Variants in STK24 observed in about 807,000 individuals in gnomAD.
STK24 encodes the protein serine/threonine kinase 24.
In STK24, 21 loss-of-function variants were observed where a neutral mutation model predicts 55.6. The ratio of observed to expected loss-of-function variants is 0.38; its 90% CI spans 0.27 to 0.54. The LOEUF (loss-of-function observed/expected upper bound fraction) is 0.54, where lower values mean the gene tolerates loss of function less well. STK24 is among the 20% of genes least tolerant of loss of function. The pLI is 0.79. For missense variants in STK24, 383 were observed against 538.4 expected, an observed-to-expected ratio of 0.71 and a Z score of 2.86; for synonymous variants, 200 against 215.2, an observed-to-expected ratio of 0.93 and a Z score of 0.62.
In STK24 at chr13:98,552,370, G is replaced by A. The variant is rs539925756; in HGVS notation, c.42+24375C>T. On this transcript the variant is annotated intron_variant, in intron 1 of 10. Transcript: ENST00000539966. ...TGGGAGAAGGTGTGGTCAGCAAGGT[G>A]GGGACAGGCCAGCTGGGGACACAAG... 6.6e-4 allele frequency among the ~76,000 whole-genome samples: 101 copies of A among 152,198 alleles called. No individual in the cohort carries two copies. In the South Asian group the frequency reaches 0.011, roughly 17 times the overall value.
At chr13:98,546,933 T>C (rs535805060) in intron 1 of STK24, among the ~76,000 whole-genome samples, 4 of 152,166 alleles carry the variant, frequency 2.6e-5, no homozygotes, top group East Asian at 3.9e-4. Flanking sequence ...GTTTTTGAGA[T>C]GGAGTTTCAC....
chr13:98,502,812 T>C (rs1895526407), intron 2 of STK24, among the ~76,000 whole-genome samples: 1 of 152,148 alleles, frequency 6.6e-6, no homozygotes, highest in Non-Finnish European at 1.5e-5. Context: ...CTTTCTGTTA[T>C]AACAACAGAA....
In STK24 at chr13:98,453,982, G is replaced by A. The variant is rs549038723; in HGVS notation, c.1260-773C>T. On this transcript the variant is annotated intron_variant, in intron 10 of 10. Transcript: ENST00000539966. ...AATCCGAAATCTGACATGCCCCAGAGAGCAGTTCCTTTGAGCCCCATGCTG... is the reference window on the plus strand; with the variant it reads ...AATCCGAAATCTGACATGCCCCAGAAAGCAGTTCCTTTGAGCCCCATGCTG... 4 of 152,296 alleles carry A rather than the reference G, an allele frequency of 2.6e-5. No homozygotes were observed. The South Asian group carries it at 6.2e-4, about 24-fold the overall frequency. 9.4% of individuals were successfully genotyped at this position (152,296 alleles called of 1,614,324 possible).
intron 3 of STK24, among the ~76,000 whole-genome samples, chr13:98,476,042 ATAAC>A (rs1340118532): frequency 2.0e-5 from 3 of 151,746 alleles, no homozygotes; most frequent in South Asian, 2.1e-4. Flanking sequence ...TATAATAATA[ATAAC>A]TATTATATTA....
intron 2 of STK24, among the ~76,000 whole-genome samples, chr13:98,488,378 G>A (rs976492138): frequency 2.6e-5 from 4 of 152,198 alleles, no homozygotes; most frequent in African/African-American, 9.7e-5. Context: ...AATTAAGCCA[G>A]TTATTCATTC....
chr13:98,538,818 C>T (rs1371826962), intron 1 of STK24, among the ~76,000 whole-genome samples: 1 of 152,202 alleles, frequency 6.6e-6, no homozygotes, highest in Non-Finnish European at 1.5e-5. Context: ...TTCCCACACT[C>T]AGGCCCTGGT....
chr13:98,540,763 CAAAA>C (rs35957882), intron 1 of STK24, among the ~76,000 whole-genome samples: 3 of 58,862 alleles, frequency 5.1e-5, no homozygotes, highest in Non-Finnish European at 3.3e-5. Context: ...ATATTAAAAG[CAAAA>C]AAAAAAAAAA....
At chr13:98,569,093 C>A (rs1260269921) in intron 1 of STK24, among the ~76,000 whole-genome samples, 8 of 152,138 alleles carry the variant, frequency 5.3e-5, no homozygotes, top group Admixed American at 1.3e-4. Flanking sequence ...TGTGAAACTT[C>A]AGAACTCAAG....
intron 2 of STK24, among the ~76,000 whole-genome samples, chr13:98,503,024 G>GTGTTTTTTT (rs1555306356): frequency 1.9e-5 from 2 of 107,058 alleles, no homozygotes; most frequent in South Asian, 3.0e-4. Flanking sequence ...CTTTCCATGT[G>GTGTTTTTTT]TTTTTTTTTT....
intron 1 of STK24, among the ~76,000 whole-genome samples, chr13:98,532,230 G>GA (rs1045119158): frequency 2.0e-5 from 3 of 152,032 alleles, no homozygotes; most frequent in East Asian, 1.9e-4. Context: ...CTACACCTGG[G>GA]AAAAAATCAC....
Position 98,447,997 on chromosome 13 carries a change from G to C in STK24, c.*5176C>G, listed in dbSNP as rs1257456447. On this transcript the variant is annotated 3_prime_UTR_variant, in exon 11 of 11. Transcript: ENST00000539966. ...CGCTCCTAACTGCTCCAATGGAGCG[G>C]GCAGTGTCACTGCAGCAAGGTACTT... 4 of 565,738 alleles carry C rather than the reference G, an allele frequency of 7.1e-6. No homozygotes were observed. Among genetic ancestry groups the C allele is most frequent in the Admixed American group, 6.3e-5 (2 of 31,584 alleles). The allele number at this position is 565,738 out of a possible 1,614,324, so 35.0% of individuals were successfully genotyped here. A position where few individuals can be genotyped will look rare whatever the true frequency, so the allele number is the denominator to read the frequency against.
intron 2 of STK24, among the ~76,000 whole-genome samples, chr13:98,504,026 G>A (rs1242717144): frequency 6.6e-6 from 1 of 152,222 alleles, no homozygotes; most frequent in African/African-American, 2.4e-5. Flanking sequence ...AGTCTATGGA[G>A]AAGACAGAAA....
At chr13:98,505,114 G>T (rs1353227847) in intron 2 of STK24, 1 of 152,202 alleles carries the variant, frequency 6.6e-6, no homozygotes, top group African/African-American at 2.4e-5. Context: ...CTTTCTTCTA[G>T]GGACAAGTCT....
At chr13:98,567,388 G>GCA (rs1344317388) in intron 1 of STK24, among the ~76,000 whole-genome samples, 1 of 152,216 alleles carries the variant, frequency 6.6e-6, no homozygotes, top group African/African-American at 2.4e-5. Flanking sequence ...CTGCCAAGAA[G>GCA]CACATACTCA....
intron 1 of STK24, chr13:98,575,975 G>A: frequency 1.0e-6 from 1 of 961,564 alleles, no homozygotes; most frequent in Non-Finnish European, 1.2e-6. Flanking sequence ...TCACTGGTAG[G>A]CCAAGGTGTC....
At chr13:98,519,575 G>C (rs1195289576) in intron 1 of STK24, 102 bp from the exon 2 acceptor site, 6 of 902,330 alleles carry the variant, frequency 6.6e-6, no homozygotes, top group East Asian at 2.4e-5. Flanking sequence ...CTGTCTTCCA[G>C]GGACTCATCT....
chr13:98,461,755 C>A lies in STK24; in HGVS notation c.1053+19G>T, dbSNP rs138670547. The A allele has an allele frequency of 4.3e-6, 7 of 1,613,182 alleles. No homozygotes were observed. In the East Asian group the frequency reaches 1.6e-4, roughly 36 times the overall value. ...GCAGACTGAGGTCAGCGTGGCCATT[C>A]TGGAGTGAGCAGACGTACCTTATTT... On this transcript the variant is annotated intron_variant, in intron 8 of 10. Transcript: ENST00000539966.
chr13:98,576,670 C>G (rs1264415330), intron 1 of STK24, 75 bp downstream of exon 1: 18 of 1,295,090 alleles, frequency 1.4e-5, no homozygotes, highest in Non-Finnish European at 1.9e-5. Flanking sequence ...CGTAGGGGGA[C>G]GCCGTGTGGA....
At chr13:98,491,300 G>A (rs1173220946) in intron 2 of STK24, among the ~76,000 whole-genome samples, 2 of 152,218 alleles carry the variant, frequency 1.3e-5, no homozygotes, top group Non-Finnish European at 2.9e-5. Flanking sequence ...ATGGGGTAGG[G>A]GGAGATCACT....
Sources: gnomAD v4.1 joint callset for allele counts (sites outside exome capture counted in the v4.1 genomes callset) on GRCh38, gnomAD v4.1.1 for gene constraint, MANE v1.5 for transcripts, NCBI Gene and HGNC (gene_info 2026-07-23, HGNC 2026-07-21) for gene names.